Variants in JAZF1 observed in about 807,000 individuals in gnomAD.
The protein encoded by JAZF1 is juxtaposed with another zinc finger protein 1.
Under a neutral mutation model 26.4 loss-of-function variants are expected in JAZF1, and 8 were observed. The observed-to-expected ratio is 0.30, with a 90% CI of 0.18 to 0.55. JAZF1 has a LOEUF of 0.55. Among genes scored for constraint, JAZF1 ranks in the 20% least tolerant of loss-of-function variants. The pLI, the probability that JAZF1 is intolerant of heterozygous loss-of-function variation, is 0.94. For missense variants in JAZF1, 199 were observed against 322.0 expected, an observed-to-expected ratio of 0.62 and a Z score of 2.92; for synonymous variants, 126 against 122.3, an observed-to-expected ratio of 1.03 and a Z score of -0.20.
intron 1 of JAZF1, among the ~76,000 whole-genome samples, chr7:28,153,665 C>A (rs1299096420): frequency 6.6e-6 from 1 of 152,166 alleles, no homozygotes; most frequent in Non-Finnish European, 1.5e-5. Context: ...TTCTCTTCAC[C>A]AAGCTAAGCA....
intron 2 of JAZF1, among the ~76,000 whole-genome samples, chr7:27,971,097 T>C (rs1785368930): frequency 6.6e-6 from 1 of 152,236 alleles, no homozygotes; most frequent in Non-Finnish European, 1.5e-5. Flanking sequence ...TTAATTTCTA[T>C]GTTATGCCTT....
At position 27,840,141 on chromosome 7, in the gene JAZF1, G is replaced by A. The variant is rs576467446; in HGVS notation, c.555+557C>T. 1.3e-5 allele frequency among the ~76,000 whole-genome samples: 2 copies of A among 152,280 alleles called. No individual in the cohort carries two copies. Among genetic ancestry groups the A allele is most frequent in the Admixed American group, 1.3e-4 (2 of 15,304 alleles). On this transcript the variant is annotated intron_variant, in intron 4 of 4. Coordinates refer to ENST00000283928, the MANE Select transcript of JAZF1 (RefSeq NM_175061.4). This position sits in a 1 kb window ranked among gnomAD's most constrained non-coding sequence, Gnocchi z 5.1. ...ACAGGCAGCTGAAGCTGAAGTGGAT[G>A]GTTTGGTGAGAAAAATATCAAAGGC...
intron 1 of JAZF1, among the ~76,000 whole-genome samples, chr7:28,013,591 C>G (rs1340964447): frequency 6.6e-6 from 1 of 152,104 alleles, no homozygotes; most frequent in Non-Finnish European, 1.5e-5. Context: ...CAGAACCACG[C>G]TTCTAGAACC....
chr7:27,846,367 G>A (rs1783030978), intron 3 of JAZF1: 1 of 299,432 alleles, frequency 3.3e-6, no homozygotes, highest in South Asian at 2.5e-5. Context: ...GTGTACATAT[G>A]TATACGTACA....
In JAZF1 at chr7:27,832,974, A is replaced by G; in HGVS notation, c.558T>C (p.Asn186=). The change falls in exon 5 of 5, where the codon AAT becomes AAC. Residue 186 remains asparagine, a splice_region_variant and synonymous_variant. Transcript: ENST00000283928. The part of the protein sequence containing the change: ...PVPGCKKRYK[N]VNGIKYHAKN... ...TAGCGTGATACTTTATGCCATTCACATTCTGTGGAGAAGACAAAAATATTT... is the reference window on the plus strand; with the variant it reads ...TAGCGTGATACTTTATGCCATTCACGTTCTGTGGAGAAGACAAAAATATTT... The G allele has an allele frequency of 1.9e-6, 3 of 1,566,978 alleles. No homozygotes were observed. Among genetic ancestry groups the G allele is most frequent in the African/African-American group, 1.4e-5 (1 of 73,370 alleles).
At chr7:28,167,061 G>C (rs367716317) in intron 1 of JAZF1, among the ~76,000 whole-genome samples, 2 of 152,236 alleles carry the variant, frequency 1.3e-5, no homozygotes, top group South Asian at 4.1e-4. Flanking sequence ...ACATGTGTGG[G>C]GGCTTCCTGA....
At chr7:28,167,914 C>G (rs185057351) in intron 1 of JAZF1, among the ~76,000 whole-genome samples, 12 of 152,306 alleles carry the variant, frequency 7.9e-5, no homozygotes, top group Admixed American at 7.8e-4. Flanking sequence ...CAGATAGCTT[C>G]TTTGCAGGAA....
At chr7:27,834,693 C>G (rs1458610700) in intron 4 of JAZF1, among the ~76,000 whole-genome samples, 3 of 152,198 alleles carry the variant, frequency 2.0e-5, no homozygotes, top group Non-Finnish European at 4.4e-5. Flanking sequence ...GGTTCCATCC[C>G]CTCCGAGGCC....
chr7:27,848,944 C>A (rs1469234529), intron 3 of JAZF1, among the ~76,000 whole-genome samples: 1 of 152,156 alleles, frequency 6.6e-6, no homozygotes, highest in Non-Finnish European at 1.5e-5. Flanking sequence ...GAGGTGCCAC[C>A]TATGAACCTG....
intron 2 of JAZF1, among the ~76,000 whole-genome samples, chr7:27,933,751 A>C (rs1207938954): frequency 6.6e-6 from 1 of 152,322 alleles, no homozygotes; most frequent in East Asian, 1.9e-4. Flanking sequence ...ACAGACATGC[A>C]TACCATGTGG....
chr7:27,868,228 C>T (rs577456560), intron 3 of JAZF1, among the ~76,000 whole-genome samples: 90 of 152,312 alleles, frequency 5.9e-4, no homozygotes, highest in Non-Finnish European at 7.3e-4. Context: ...AGTCACGTTG[C>T]TTGCTCAACA....
intron 1 of JAZF1, among the ~76,000 whole-genome samples, chr7:28,107,327 T>C (rs1784568453): frequency 6.6e-6 from 1 of 152,202 alleles, no homozygotes; most frequent in Non-Finnish European, 1.5e-5. Context: ...TGTGAGCCCA[T>C]ATAGTAGCTG....
At chr7:28,050,969 A>G (rs1783602426) in intron 1 of JAZF1, among the ~76,000 whole-genome samples, 2 of 151,750 alleles carry the variant, frequency 1.3e-5, no homozygotes, top group African/African-American at 4.8e-5. Flanking sequence ...TGTCACTACT[A>G]AAAATACAAA....
chr7:27,919,854 A>T (rs965173858), intron 2 of JAZF1, among the ~76,000 whole-genome samples: 1 of 152,190 alleles, frequency 6.6e-6, no homozygotes, highest in African/African-American at 2.4e-5. Flanking sequence ...ACTAATGACA[A>T]TGTATGTAGA....
chr7:27,938,842 T>G (rs1364690125), intron 2 of JAZF1, among the ~76,000 whole-genome samples: 1 of 150,824 alleles, frequency 6.6e-6, no homozygotes, highest in East Asian at 1.9e-4. Context: ...AGTTTTGCCA[T>G]GTTGCCCAGG....
At chr7:28,166,603 T>C (rs537432780) in intron 1 of JAZF1, among the ~76,000 whole-genome samples, 54 of 152,366 alleles carry the variant, frequency 3.5e-4, no homozygotes, top group Admixed American at 9.8e-4. Context: ...GTTTTCTGCT[T>C]ATATAGATTA....
chr7:27,901,868 G>C (rs1562523953), intron 2 of JAZF1, among the ~76,000 whole-genome samples: 1 of 152,196 alleles, frequency 6.6e-6, no homozygotes, highest in African/African-American at 2.4e-5. Context: ...TTCTAACAGT[G>C]AATGATTCCA....
At chr7:27,982,279 CA>C (rs1785601306) in intron 2 of JAZF1, among the ~76,000 whole-genome samples, 1 of 144,464 alleles carries the variant, frequency 6.9e-6, no homozygotes, top group Non-Finnish European at 1.5e-5. Flanking sequence ...ACAGCCTTGG[CA>C]ACACAGCACA....
chr7:28,066,419 T>C lies in JAZF1; in HGVS notation c.116-74438A>G, dbSNP rs1162099576. On this transcript the variant is annotated intron_variant, in intron 1 of 4. Transcript: ENST00000283928. The stretch of plus-strand genomic sequence containing the variant: ...GTGTTCGAGACCAGCCTGGCCAGCA[T>C]GGTAAAACCCCATCTCTACTAAAAA... Among the ~76,000 whole-genome samples the C allele has an allele frequency of 2.0e-5, 3 of 151,818 alleles. No homozygotes were observed. The East Asian group carries it at 5.8e-4, about 29-fold the overall frequency.
Sources: gnomAD v4.1 joint callset for allele counts (sites outside exome capture counted in the v4.1 genomes callset) on GRCh38, gnomAD v4.1.1 for gene constraint, Gnocchi (gnomAD v3.1) non-coding constraint, MANE v1.5 for transcripts, NCBI Gene and HGNC (gene_info 2026-07-23, HGNC 2026-07-21) for gene names.